The following GNB5 variants were observed in gnomAD, a reference collection of about 807,000 sequenced individuals.
GNB5 encodes G protein subunit beta 5.
A neutral mutation model predicts 55.3 loss-of-function variants in GNB5; 37 were observed. The observed-to-expected ratio is 0.67, with a 90% CI of 0.51 to 0.88. GNB5 has a LOEUF of 0.88. Ranked by LOEUF, GNB5 falls within the 40% of genes least tolerant of loss-of-function variation. GNB5 has a pLI of 0.00. For synonymous variants in GNB5, 219 were observed against 198.5 expected (o/e 1.10, Z -0.87); for missense variants, 476 against 515.3 (o/e 0.92, Z 0.74).
At chr15:52,146,346 A>G (rs2033976693) in intron 6 of GNB5, among the ~76,000 whole-genome samples, 1 of 152,082 alleles carries the variant, frequency 6.6e-6, no homozygotes, top group African/African-American at 2.4e-5. Flanking sequence ...AGGGACTGGG[A>G]ATTATGTCGG....
intron 5 of GNB5, 74 bp from the exon 6 acceptor site, chr15:52,147,609 T>TG: frequency 1.3e-6 from 1 of 749,854 alleles, no homozygotes; most frequent in Non-Finnish European, 2.2e-6. Context: ...TTTTTTGAGA[T>TG]GGAGTCTCAC....
In GNB5 at chr15:52,117,436, CA is replaced by C. The variant is rs2033169544; in HGVS notation, c.*5320del. 6.6e-6 allele frequency: 1 copy of C among 152,334 alleles called. No individual in the cohort carries two copies. The highest frequency in any genetic ancestry group is 2.4e-5 in the African/African-American group (1 of 41,588). 9.4% of individuals were successfully genotyped at this position (152,334 alleles called of 1,614,324 possible). Reference sequence around the variant, plus strand: ...AGCGATAGTCACCCTACAGTGCCGCCAAACACTAGACTCCTATCTTGCTGCA... The same window carrying C: ...AGCGATAGTCACCCTACAGTGCCGCCAACACTAGACTCCTATCTTGCTGCA... On this transcript the variant is annotated 3_prime_UTR_variant, in exon 13 of 13. Transcript: ENST00000261837.
chr15:52,178,523 T>C (rs796957446), intron 3 of GNB5, among the ~76,000 whole-genome samples: 5 of 152,284 alleles, frequency 3.3e-5, no homozygotes, highest in African/African-American at 1.2e-4. Flanking sequence ...AGAAGGAGCC[T>C]GGGTCCCTTG....
intron 3 of GNB5, among the ~76,000 whole-genome samples, chr15:52,155,818 G>A (rs1036526761): frequency 2.0e-5 from 3 of 152,154 alleles, no homozygotes; most frequent in East Asian, 3.8e-4. Context: ...TGGGGTCACC[G>A]GGGATCATCT....
intron 11 of GNB5, 166 bp downstream of exon 11, chr15:52,125,782 G>C: frequency 1.7e-6 from 1 of 587,324 alleles, no homozygotes; most frequent in South Asian, 2.1e-5. Context: ...GACAAAGTGG[G>C]AGGTCAGAAG....
At chr15:52,158,853 T>C (rs571001584) in intron 3 of GNB5, among the ~76,000 whole-genome samples, 1 of 152,224 alleles carries the variant, frequency 6.6e-6, no homozygotes, top group African/African-American at 2.4e-5. Context: ...CTGACCTCAC[T>C]GTAGTTCAGA....
At position 52,124,611 on chromosome 15, in the gene GNB5, A is replaced by C. The variant is rs748293650; in HGVS notation, c.1038T>G (p.Asp346Glu). 1 of 1,614,110 alleles carries C rather than the reference A, an allele frequency of 6.2e-7. No individual in the cohort carries two copies. Among genetic ancestry groups the C allele is most frequent in the Admixed American group, 1.7e-5 (1 of 60,010 alleles). ...GAACATCCCAGACGTTGATAGTGTA[A>C]TCATTGTATCCAGCAAACAGCAGGC... The part of the protein sequence containing the change: ...SGRLLFAGYN[D>E]YTINVWDVLK... Residue 346 changes from aspartate (D) to glutamate (E), a missense_variant, in exon 12 of 13, where the codon GAT becomes GAG. Transcript: ENST00000261837.
chr15:52,190,204 G>A (rs910441674), intron 1 of GNB5, among the ~76,000 whole-genome samples: 1 of 149,144 alleles, frequency 6.7e-6, no homozygotes, highest in South Asian at 2.1e-4. Context: ...TGTAAGCTCC[G>A]CCTCCCAGGT....
chr15:52,115,879 T>A lies in GNB5; in HGVS notation c.*6878A>T, dbSNP rs2033134311. 1 of 152,236 alleles carries A rather than the reference T, an allele frequency of 6.6e-6. No individual in the cohort carries two copies. Among genetic ancestry groups the A allele is most frequent in the Admixed American group, 6.5e-5 (1 of 15,288 alleles). 9.4% of individuals were successfully genotyped at this position (152,236 alleles called of 1,614,324 possible). On this transcript the variant is annotated 3_prime_UTR_variant, in exon 13 of 13. Transcript: ENST00000261837. The stretch of plus-strand genomic sequence containing the variant: ...AGTGACCACCAATCTGCTTTTTGTC[T>A]TTATGAGTTTGCTTATTAGGACCTT...
At chr15:52,179,717 A>G in intron 3 of GNB5, 51 bp downstream of exon 3, 1 of 584,620 alleles carries the variant, frequency 1.7e-6, no homozygotes, top group Non-Finnish European at 2.5e-6. Flanking sequence ...CCCGCCCGGG[A>G]AGTGGCGAGC....
intron 9 of GNB5, among the ~76,000 whole-genome samples, chr15:52,133,155 G>A (rs2033621615): frequency 6.6e-6 from 1 of 152,114 alleles, no homozygotes; most frequent in Non-Finnish European, 1.5e-5. Flanking sequence ...GAAAAATGCT[G>A]ATTCAACTTA....
At chr15:52,137,455 G>T in intron 7 of GNB5, 1 of 1,018,910 alleles carries the variant, frequency 9.8e-7, no homozygotes. Flanking sequence ...CACAGGTGGG[G>T]ACTCAGTCTG....
chr15:52,186,641 G>A (rs1342791456), intron 1 of GNB5, among the ~76,000 whole-genome samples: 1 of 152,196 alleles, frequency 6.6e-6, no homozygotes, highest in African/African-American at 2.4e-5. Flanking sequence ...TCTAGAGTGA[G>A]CCCCGTCAAG....
chr15:52,185,013 C>T lies in GNB5; in HGVS notation c.-18-319G>A, dbSNP rs4776015. Among the ~76,000 whole-genome samples the T allele has an allele frequency of 0.98, 149,309 of 152,372 alleles. 73,239 individuals carry two copies. The highest frequency in any genetic ancestry group is 1 in the East Asian group (5,190 of 5,190). On this transcript the variant is annotated intron_variant, in intron 1 of 12. Coordinates refer to ENST00000261837, the MANE Select transcript of GNB5 (RefSeq NM_016194.4). ...TTCTGTGGGGTTTCACAATGGAAAA[C>T]GTTTTTGTAATGGATGCTATAACTT...
chr15:52,137,345 T>A, intron 7 of GNB5: 2 of 1,050,160 alleles, frequency 1.9e-6, no homozygotes, highest in Non-Finnish European at 2.3e-6. Flanking sequence ...TCTGAGTTGG[T>A]CTTCAAGGAA....
chr15:52,115,720 T>A lies in GNB5; in HGVS notation c.*7037A>T, dbSNP rs2033132645. On this transcript the variant is annotated 3_prime_UTR_variant, in exon 13 of 13. Coordinates refer to ENST00000261837, the MANE Select transcript of GNB5 (RefSeq NM_016194.4). The stretch of plus-strand genomic sequence containing the variant: ...CAGCTTTATTGAGATGTAATTCATA[T>A]ACCAAAAAATTCACCCTCTTACAGT... 6.6e-6 allele frequency: 1 copy of A among 152,242 alleles called. No individual in the cohort carries two copies. Among genetic ancestry groups the A allele is most frequent in the African/African-American group, 2.4e-5 (1 of 41,458 alleles). The allele number at this position is 152,242 out of a possible 1,614,324, so 9.4% of individuals were successfully genotyped here.
At chr15:52,127,469 ATATT>A (rs2033458446) in intron 10 of GNB5, among the ~76,000 whole-genome samples, 1 of 152,108 alleles carries the variant, frequency 6.6e-6, no homozygotes, top group African/African-American at 2.4e-5. Flanking sequence ...TTTTCCATAT[ATATT>A]TGTTATAATT....
At chr15:52,151,151 C>T (rs977939370) in intron 4 of GNB5, among the ~76,000 whole-genome samples, 3 of 152,170 alleles carry the variant, frequency 2.0e-5, no homozygotes, top group Non-Finnish European at 2.9e-5. Flanking sequence ...GCCTAAATGG[C>T]CACACACAGT....
chr15:52,169,682 T>C (rs4776009), intron 3 of GNB5, among the ~76,000 whole-genome samples: 120,027 of 151,666 alleles, frequency 0.79, 48,377 homozygotes, highest in Non-Finnish European at 0.87. Flanking sequence ...ATGACAAAAA[T>C]GCCGAAAGTA....
Sources: gnomAD v4.1 joint callset for allele counts (sites outside exome capture counted in the v4.1 genomes callset) on GRCh38, gnomAD v4.1.1 for gene constraint, MANE v1.5 for transcripts, NCBI Gene and HGNC (gene_info 2026-07-23, HGNC 2026-07-21) for gene names.